DPP9: variants seen among roughly 807,000 people sequenced by gnomAD.
The protein encoded by DPP9 is dipeptidyl peptidase IV-related protein-2.
DPP9 carries 50 observed loss-of-function variants against 110.7 expected under a neutral mutation model. The ratio of observed to expected loss-of-function variants is 0.45; its 90% CI spans 0.36 to 0.57. The LOEUF (loss-of-function observed/expected upper bound fraction) is 0.57, where lower values mean the gene tolerates loss of function less well. DPP9 is among the 20% of genes least tolerant of loss of function. DPP9 has a pLI of 0.00. For synonymous variants in DPP9, 561 were observed against 514.4 expected (o/e 1.09, Z -1.23); for missense variants, 1,022 against 1,217.9 (o/e 0.84, Z 2.39).
chr19:4,707,043 C>T (rs923517538), intron 4 of DPP9, among the ~76,000 whole-genome samples: 4 of 152,170 alleles, frequency 2.6e-5, no homozygotes, highest in African/African-American at 7.2e-5. Context: ...AGAATCACCC[C>T]GACCTCAAAC....
chr19:4,686,249 C>T lies in DPP9; in HGVS notation c.1886-478G>A, dbSNP rs181638499. Among the ~76,000 whole-genome samples the T allele has an allele frequency of 7.9e-5, 12 of 151,844 alleles. No individual in the cohort carries two copies. In the East Asian group the frequency reaches 1.2e-3, roughly 15 times the overall value. ...GATTATAGGTGCACGGCACCACGCC[C>T]GGCTAATGTTTTTGTATTTTTAGTA... On this transcript the variant is annotated intron_variant, in intron 16 of 21. Coordinates refer to ENST00000262960, the MANE Select transcript of DPP9 (RefSeq NM_139159.5).
intron 13 of DPP9, among the ~76,000 whole-genome samples, chr19:4,691,485 AC>A (rs1472949994): frequency 6.6e-5 from 10 of 150,558 alleles, no homozygotes; most frequent in African/African-American, 1.7e-4. Flanking sequence ...AAAAAAAAAA[AC>A]AAAAAACAAA....
Position 4,710,399 on chromosome 19 carries a change from TC to T in DPP9, c.313+3681del, listed in dbSNP as rs2092776508. Reference sequence around the variant, plus strand: ...ACCGTTTGCAGTGGGGAGAGGCTGATCCGCGTGGGGCGGGAGCGGGGTCGGG... The same window carrying T: ...ACCGTTTGCAGTGGGGAGAGGCTGATCGCGTGGGGCGGGAGCGGGGTCGGG... On this transcript the variant is annotated intron_variant, in intron 4 of 21. Transcript: ENST00000262960. The surrounding 1 kb of genome is among the most constrained non-coding windows in gnomAD (Gnocchi z 5.6). 6.6e-6 allele frequency among the ~76,000 whole-genome samples: 1 copy of T among 152,212 alleles called. No individual in the cohort carries two copies. The highest frequency in any genetic ancestry group is 2.1e-4 in the South Asian group (1 of 4,832).
intron 9 of DPP9, among the ~76,000 whole-genome samples, chr19:4,701,179 T>A (rs528831004): frequency 6.6e-6 from 1 of 152,152 alleles, no homozygotes; most frequent in African/African-American, 2.4e-5. Context: ...TGTTTAAGAA[T>A]TGGGAGTGGC....
intron 8 of DPP9, 30 bp downstream of exon 8, chr19:4,702,573 G>A: frequency 6.5e-7 from 1 of 1,528,362 alleles, no homozygotes; most frequent in Non-Finnish European, 8.9e-7. Flanking sequence ...AGCACGCCCG[G>A]GAGCATGTTG....
rs1238618194 is a variant in DPP9 at position 4,719,881 on chromosome 19, A to G, written c.26T>C (p.Leu9Pro). The change falls in exon 3 of 22, where the codon CTG (leucine) becomes CCG (proline). Residue 9 changes from leucine to proline, a missense_variant. Leu to Pro is a moderately conservative substitution (Grantham distance 98). Around this residue, in one of 3 missense-constraint regions of DPP9, gnomAD observed 810 missense variants for 920.6 expected, o/e 0.88. Transcript: ENST00000262960. The stretch of plus-strand genomic sequence containing the variant: ...CCAACTTCCGGTGTTCTCCTTGTCC[A>G]GGCGCAGTTTCTTAACCTTCCGCAT... MRKVKKLR[L>P]DKENTGSWRS... 6.4e-7 allele frequency: 1 copy of G among 1,551,614 alleles called. No individual in the cohort carries two copies. The highest frequency in any genetic ancestry group is 8.7e-7 in the Non-Finnish European group (1 of 1,146,990).
In DPP9 at chr19:4,694,840, T is replaced by C. The variant is rs201789340; in HGVS notation, c.1354-17A>G. 2.3e-4 allele frequency: 379 copies of C among 1,612,954 alleles called. No homozygotes were observed. The East Asian group carries it at 2.6e-3, about 11-fold the overall frequency. On this transcript the variant is annotated splice_polypyrimidine_tract_variant and intron_variant, in intron 12 of 21. Coordinates refer to ENST00000262960, the MANE Select transcript of DPP9 (RefSeq NM_139159.5). The surrounding 1 kb of genome is among the most constrained non-coding windows in gnomAD (Gnocchi z 4.0). ...GTCATGAACCTGTCCGGAAAGCAGA[T>C]AGAAGATGCGTCAGAAGGTGTGGGT...
At position 4,695,586 on chromosome 19, in the gene DPP9, G is replaced by A; in HGVS notation, c.1176-31C>T. The A allele has an allele frequency of 6.9e-7, 1 of 1,440,014 alleles. No individual in the cohort carries two copies. Among genetic ancestry groups the A allele is most frequent in the Non-Finnish European group, 9.1e-7 (1 of 1,094,638 alleles). The allele number at this position is 1,440,014 out of a possible 1,614,324, so 89.2% of individuals were successfully genotyped here. ...GGGGAAGATGCGGGGGAAGATGAGAGGGAAGCTGGGAGCCTCAGTGGCCTG... is the reference window on the plus strand; with the variant it reads ...GGGGAAGATGCGGGGGAAGATGAGAAGGAAGCTGGGAGCCTCAGTGGCCTG... On this transcript the variant is annotated intron_variant, in intron 11 of 21. Coordinates refer to ENST00000262960, the MANE Select transcript of DPP9 (RefSeq NM_139159.5). The surrounding 1 kb of genome is among the most constrained non-coding windows in gnomAD (Gnocchi z 4.7).
Position 4,685,866 on chromosome 19 carries a change from C to A in DPP9, c.1886-95G>T. The A allele has an allele frequency of 1.4e-6, 2 of 1,408,180 alleles. No homozygotes were observed. The highest frequency in any genetic ancestry group is 2.3e-5 in the Admixed American group (1 of 43,016). The allele number at this position is 1,408,180 out of a possible 1,614,324, so 87.2% of individuals were successfully genotyped here. A position where few individuals can be genotyped will look rare whatever the true frequency, so the allele number is the denominator to read the frequency against. ...CCCACCCCAAGCCTTGGAGGGTGGACCAAAGCACCCCCTCTTTTCCTGGGC... is the reference window on the plus strand; with the variant it reads ...CCCACCCCAAGCCTTGGAGGGTGGAACAAAGCACCCCCTCTTTTCCTGGGC... On this transcript the variant is annotated intron_variant, in intron 16 of 21. Coordinates refer to ENST00000262960, the MANE Select transcript of DPP9 (RefSeq NM_139159.5). The surrounding 1 kb of genome is among the most constrained non-coding windows in gnomAD (Gnocchi z 5.8).
In DPP9 at chr19:4,682,888, C is replaced by A. The variant is rs770409278; in HGVS notation, c.2332-50G>T. On this transcript the variant is annotated intron_variant, in intron 19 of 21. Transcript: ENST00000262960. The surrounding 1 kb of genome is among the most constrained non-coding windows in gnomAD (Gnocchi z 7.1). The stretch of plus-strand genomic sequence containing the variant: ...GGGCAGAGAGAGAGAGAGAAACAGG[C>A]GTCGGGTCCTACAGCCAGCATCAGC... 1 of 1,549,238 alleles carries A rather than the reference C, an allele frequency of 6.5e-7. No homozygotes were observed. The highest frequency in any genetic ancestry group is 8.7e-7 in the Non-Finnish European group (1 of 1,149,456).
chr19:4,702,497 TG>T, intron 8 of DPP9, 105 bp downstream of exon 8: 1 of 828,562 alleles, frequency 1.2e-6, no homozygotes, highest in Non-Finnish European at 2.0e-6. Context: ...TGACAGACTG[TG>T]GAGGTGGTTT....
chr19:4,706,688 C>T (rs1599929245), intron 4 of DPP9, among the ~76,000 whole-genome samples: 2 of 152,184 alleles, frequency 1.3e-5, no homozygotes, highest in South Asian at 2.1e-4. Flanking sequence ...TGGTGGCACG[C>T]GCCTGTAATC....
At chr19:4,691,721 A>G (rs1409942317) in intron 13 of DPP9, among the ~76,000 whole-genome samples, 1 of 126,384 alleles carries the variant, frequency 7.9e-6, no homozygotes, top group East Asian at 2.4e-4. Context: ...CTTGTCGCCC[A>G]GGCTGGAGTG....
intron 4 of DPP9, 37 bp from the exon 5 acceptor site, chr19:4,706,007 T>G: frequency 1.3e-5 from 20 of 1,535,252 alleles, no homozygotes; most frequent in Non-Finnish European, 1.6e-5. Context: ...ACGGGTACCC[T>G]GGCTCAGGAT....
At chr19:4,706,623 C>T (rs769912574) in intron 4 of DPP9, among the ~76,000 whole-genome samples, 3 of 152,124 alleles carry the variant, frequency 2.0e-5, no homozygotes, top group Non-Finnish European at 2.9e-5. Flanking sequence ...CGAGACCAGA[C>T]TGGACAACAT....
intron 14 of DPP9, among the ~76,000 whole-genome samples, chr19:4,690,456 C>G (rs1371728266): frequency 1.3e-5 from 2 of 152,198 alleles, no homozygotes; most frequent in Non-Finnish European, 2.9e-5. Context: ...GATAAGTGGT[C>G]TCCTGGGACA....
At chr19:4,686,165 G>A (rs1599877184) in intron 16 of DPP9, among the ~76,000 whole-genome samples, 1 of 150,324 alleles carries the variant, frequency 6.7e-6, no homozygotes, top group South Asian at 2.1e-4. Flanking sequence ...TTGGCTCACT[G>A]CAACCTCCGC....
intron 4 of DPP9, among the ~76,000 whole-genome samples, chr19:4,713,610 G>A (rs914398561): frequency 3.3e-5 from 5 of 152,324 alleles, no homozygotes; most frequent in South Asian, 2.1e-4. Flanking sequence ...CCGGAACCTC[G>A]GGATCCTTCT....
rs2090394809 is a variant in DPP9, at chr19:4,684,520, C to A, written c.2178+143G>T. ...CATCCCCTTTTGTTCTAAAAGGGCG[C>A]CTCATTGAGCCTGCGTCACCCCAGC... On this transcript the variant is annotated intron_variant, in intron 18 of 21. Transcript: ENST00000262960. This position sits in a 1 kb window ranked among gnomAD's most constrained non-coding sequence, Gnocchi z 4.8. The A allele has an allele frequency of 2.2e-6, 2 of 902,018 alleles. No homozygotes were observed. Among genetic ancestry groups the A allele is most frequent in the Non-Finnish European group, 3.3e-6 (2 of 602,568 alleles). The allele number at this position is 902,018 out of a possible 1,614,324, so 55.9% of individuals were successfully genotyped here.
Sources: gnomAD v4.1 joint callset for allele counts (sites outside exome capture counted in the v4.1 genomes callset) on GRCh38, gnomAD v4.1.1 for gene constraint, gnomAD v4.1.1 regional missense constraint, Gnocchi (gnomAD v3.1) non-coding constraint, MANE v1.5 for transcripts, NCBI Gene and HGNC (gene_info 2026-07-23, HGNC 2026-07-21) for gene names.